Variants in CSMD1 observed in about 807,000 individuals in gnomAD.
CSMD1 encodes the protein CUB and sushi domain-containing protein 1.
CSMD1 carries 213 observed loss-of-function variants against 417.5 expected under a neutral mutation model. The ratio of observed to expected loss-of-function variants is 0.51; its 90% CI spans 0.46 to 0.57. The LOEUF is 0.57. Ranked by LOEUF, CSMD1 falls within the 20% of genes least tolerant of loss-of-function variation. The pLI is 0.00. For synonymous variants in CSMD1, 2,862 were observed against 1,736.8 expected, an observed-to-expected ratio of 1.65 and a Z score of -16.11; for missense variants, 6,923 against 4,529.7, an observed-to-expected ratio of 1.53 and a Z score of -15.17.
At chr8:4,644,103 C>T (rs1251275868) in intron 1 of CSMD1, among the ~76,000 whole-genome samples, 2 of 152,194 alleles carry the variant, frequency 1.3e-5, no homozygotes, top group Admixed American at 6.5e-5. Context: ...ACTGTGGAGT[C>T]TTTGCCCATG....
At chr8:3,884,577 A>G (rs1281081508) in intron 5 of CSMD1, among the ~76,000 whole-genome samples, 1 of 152,202 alleles carries the variant, frequency 6.6e-6, no homozygotes, top group Non-Finnish European at 1.5e-5. Context: ...TTGCACACAT[A>G]CACATGGAAA....
chr8:4,176,015 G>T (rs570747500), intron 3 of CSMD1, among the ~76,000 whole-genome samples: 5 of 152,034 alleles, frequency 3.3e-5, no homozygotes, highest in African/African-American at 7.3e-5. Flanking sequence ...CAGGCTTCTC[G>T]CCATAGCCAT....
chr8:3,255,084 G>C (rs1308797330), intron 26 of CSMD1, among the ~76,000 whole-genome samples: 1 of 152,124 alleles, frequency 6.6e-6, no homozygotes, highest in Admixed American at 6.6e-5. Context: ...AGTTTTCATT[G>C]TAACAGTCAG....
At chr8:4,439,582 T>C (rs1563174370) in intron 2 of CSMD1, among the ~76,000 whole-genome samples, 1 of 151,398 alleles carries the variant, frequency 6.6e-6, no homozygotes, top group Non-Finnish European at 1.5e-5. Context: ...TACATATTTC[T>C]TTATTATTAA....
chr8:4,758,608 G>A (rs573174212), intron 1 of CSMD1, among the ~76,000 whole-genome samples: 82 of 152,292 alleles, frequency 5.4e-4, no homozygotes, highest in Non-Finnish European at 1.0e-3. Flanking sequence ...AACAAAAGAT[G>A]TTTAATTGAC....
At chr8:4,925,377 G>A (rs965859264) in intron 1 of CSMD1, among the ~76,000 whole-genome samples, 4 of 151,652 alleles carry the variant, frequency 2.6e-5, no homozygotes, top group Admixed American at 6.6e-5. Flanking sequence ...CATTTCTTTA[G>A]CAGTTAAATA....
At chr8:4,384,248 C>CTT (rs10682651) in intron 3 of CSMD1, among the ~76,000 whole-genome samples, 1,912 of 150,242 alleles carry the variant, frequency 0.013, 37 homozygotes, top group African/African-American at 0.042. Context: ...AAATTACAGA[C>CTT]TTTTTTTTTT....
chr8:3,814,169 G>T (rs890033773), intron 5 of CSMD1, among the ~76,000 whole-genome samples: 1 of 152,212 alleles, frequency 6.6e-6, no homozygotes. Flanking sequence ...CAGCGTGGAA[G>T]TCAAGATGCA....
chr8:4,292,426 G>C (rs908239846), intron 3 of CSMD1, among the ~76,000 whole-genome samples: 1 of 151,900 alleles, frequency 6.6e-6, no homozygotes, highest in African/African-American at 2.4e-5. Context: ...CTAATTTTTT[G>C]TGTTTTTAAT....
Position 3,190,101 on chromosome 8 carries a change from T to G in CSMD1, c.5209A>C (p.Ser1737Arg). The G allele has an allele frequency of 6.3e-7, 1 of 1,589,144 alleles. No homozygotes were observed. The highest frequency in any genetic ancestry group is 8.6e-7 in the Non-Finnish European group (1 of 1,167,676). Residue 1737 changes from serine (S) to arginine (R), a missense_variant, in exon 34 of 70, where the codon AGT (serine) becomes CGT (arginine). By Grantham distance (110) the Ser-to-Arg change is moderately radical (BLOSUM62 -1). Coordinates refer to ENST00000635120, the MANE Select transcript of CSMD1 (RefSeq NM_033225.6). ...GGGACAGAGCTGCATTGGGTGTCAC[T>G]GGTACGAGGAACAGCTAGAAGCAAA... ...HFVYQAVPRTSDTQCSSVPEP... is the reference protein window; with the variant it reads ...HFVYQAVPRTRDTQCSSVPEP...
chr8:3,912,640 C>T (rs2975332), intron 5 of CSMD1, among the ~76,000 whole-genome samples: 15 of 151,998 alleles, frequency 9.9e-5, no homozygotes, highest in African/African-American at 2.2e-4. Flanking sequence ...TGTTTACAAG[C>T]GTCCTCAAGT....
chr8:4,953,038 CATTA>C (rs755794189), intron 1 of CSMD1, among the ~76,000 whole-genome samples: 5 of 148,068 alleles, frequency 3.4e-5, no homozygotes, highest in East Asian at 4.0e-4. Flanking sequence ...TGAGAGTGAC[CATTA>C]ATACGTGAGC....
chr8:3,994,535 G>A (rs1815052013), intron 5 of CSMD1, among the ~76,000 whole-genome samples: 1 of 150,704 alleles, frequency 6.6e-6, no homozygotes, highest in African/African-American at 2.4e-5. Context: ...ACTAGACCAT[G>A]CTATAAAGTG....
intron 25 of CSMD1, among the ~76,000 whole-genome samples, chr8:3,297,449 A>C (rs1034856156): frequency 1.3e-5 from 2 of 152,214 alleles, no homozygotes; most frequent in Non-Finnish European, 2.9e-5. Flanking sequence ...GAATTAAGTT[A>C]GGTTTTGTAC....
intron 3 of CSMD1, among the ~76,000 whole-genome samples, chr8:4,322,542 A>C (rs1799329479): frequency 1.3e-5 from 2 of 152,226 alleles, no homozygotes; most frequent in African/African-American, 4.8e-5. Context: ...CATTTGAGGT[A>C]GGCCCTGAAG....
At position 3,629,180 on chromosome 8, in the gene CSMD1, T is replaced by C. The variant is rs115120003; in HGVS notation, c.1010-12383A>G. On this transcript the variant is annotated intron_variant, in intron 7 of 69. Coordinates refer to ENST00000635120, the MANE Select transcript of CSMD1 (RefSeq NM_033225.6). Reference sequence around the variant, plus strand: ...GGATGTTCGCAGGACGCAGGGGAACTTGCTTGTAAAGGGGAACAGCTTCAA... The same window carrying C: ...GGATGTTCGCAGGACGCAGGGGAACCTGCTTGTAAAGGGGAACAGCTTCAA... 7.7e-3 allele frequency among the ~76,000 whole-genome samples: 1,168 copies of C among 152,192 alleles called. 14 individuals are homozygous for C. The highest frequency in any genetic ancestry group is 0.027 in the African/African-American group (1,117 of 41,514).
chr8:3,878,140 T>C (rs976995559), intron 5 of CSMD1, among the ~76,000 whole-genome samples: 1 of 152,186 alleles, frequency 6.6e-6, no homozygotes, highest in Non-Finnish European at 1.5e-5. Flanking sequence ...CCTTTCCTTT[T>C]GTCTTTGTAC....
At chr8:4,565,784 A>G (rs1479584329) in intron 2 of CSMD1, among the ~76,000 whole-genome samples, 6 of 66,046 alleles carry the variant, frequency 9.1e-5, no homozygotes, top group East Asian at 1.2e-3. Context: ...ATATATATAT[A>G]TATATATATA....
intron 5 of CSMD1, among the ~76,000 whole-genome samples, chr8:3,847,951 C>T (rs904276069): frequency 4.6e-5 from 7 of 152,046 alleles, no homozygotes; most frequent in Admixed American, 1.3e-4. Context: ...TTCAAAACAA[C>T]CAATGATTTT....
Sources: allele counts gnomAD v4.1 joint callset (sites outside exome capture counted in the v4.1 genomes callset), GRCh38; gene constraint gnomAD v4.1.1; transcripts MANE v1.5; gene names NCBI Gene and HGNC (gene_info 2026-07-23, HGNC 2026-07-21).